The following PCDHGA6 variants were observed in gnomAD, a reference collection of about 807,000 sequenced individuals.
The protein encoded by PCDHGA6 is protocadherin gamma subfamily A, 6.
Under a neutral mutation model 60.6 loss-of-function variants are expected in PCDHGA6, and 41 were observed. The observed-to-expected ratio is 0.68, with a 90% CI of 0.53 to 0.88. The LOEUF is 0.88. Among genes scored for constraint, PCDHGA6 ranks in the 40% least tolerant of loss-of-function variants. The pLI, the probability that PCDHGA6 is intolerant of heterozygous loss-of-function variation, is 0.00. For missense variants in PCDHGA6, 1,312 were observed against 1,203.0 expected, an observed-to-expected ratio of 1.09 and a Z score of -1.34; for synonymous variants, 594 against 524.4, an observed-to-expected ratio of 1.13 and a Z score of -1.81.
chr5:141,477,878 C>T lies in PCDHGA6; in HGVS notation c.2425-16929C>T. On this transcript the variant is annotated intron_variant, in intron 1 of 3. Coordinates refer to ENST00000517434, the MANE Select transcript of PCDHGA6 (RefSeq NM_018919.3). The surrounding 1 kb of genome is among the most constrained non-coding windows in gnomAD (Gnocchi z 4.9). ...GCTGCCTCGAGGTACCTCAGCTGGC[C>T]ACCTAGTGTCACGGGTGGTAGGCTG... 2.5e-6 allele frequency: 4 copies of T among 1,614,158 alleles called. No individual in the cohort carries two copies. Among genetic ancestry groups the T allele is most frequent in the Non-Finnish European group, 3.4e-6 (4 of 1,180,008 alleles).
rs1408248560 is a variant in PCDHGA6 at position 141,475,829 on chromosome 5, G to C, written c.2425-18978G>C. On this transcript the variant is annotated intron_variant, in intron 1 of 3. Coordinates refer to ENST00000517434, the MANE Select transcript of PCDHGA6 (RefSeq NM_018919.3). ...AAAGTGAAGTTCCTGGCGCTAGCGC[G>C]TGTCCTGCTCAGAGAGCCCGGCGCT... The C allele has an allele frequency of 1.0e-5, 4 of 386,748 alleles. No individual in the cohort carries two copies. In the South Asian group the frequency reaches 1.4e-4, roughly 14 times the overall value. The allele number at this position is 386,748 out of a possible 1,614,324, so 24.0% of individuals were successfully genotyped here. A position where few individuals can be genotyped will look rare whatever the true frequency, so the allele number is the denominator to read the frequency against.
chr5:141,390,095 T>C lies in PCDHGA6; in HGVS notation c.2424+13588T>C, dbSNP rs763642761. 3 of 1,613,972 alleles carry C rather than the reference T, an allele frequency of 1.9e-6. No individual in the cohort carries two copies. In the South Asian group the frequency reaches 3.3e-5, roughly 18 times the overall value. ...TCTGTGTTAAATCCGAATCCGTGGT[T>C]CCCCCCAACTACAGCGAGGGGACTT... On this transcript the variant is annotated intron_variant, in intron 1 of 3. Coordinates refer to ENST00000517434, the MANE Select transcript of PCDHGA6 (RefSeq NM_018919.3).
At chr5:141,383,583 C>A (rs1282205134) in intron 1 of PCDHGA6, 11 of 1,613,640 alleles carry the variant, frequency 6.8e-6, no homozygotes, top group Non-Finnish European at 9.3e-6. Context: ...CCGCCCACAT[C>A]CAGGTGACAG....
intron 1 of PCDHGA6, chr5:141,475,971 C>T (rs750016455): frequency 2.1e-5 from 20 of 954,292 alleles, no homozygotes; most frequent in Non-Finnish European, 2.9e-5. Context: ...GAGGCAGAGA[C>T]TGAACAGCCG....
Position 141,375,521 on chromosome 5 carries a change from G to A in PCDHGA6, c.1438G>A (p.Asp480Asn). ...SIFSVNALDP[D>N]VDQNAQVSYS... The stretch of plus-strand genomic sequence containing the variant: ...CTTCTCTGTGAATGCACTGGACCCT[G>A]ACGTGGACCAGAACGCCCAAGTCTC... The change falls in exon 1 of 4, where the codon GAC (aspartate) becomes AAC (asparagine). Residue 480 changes from aspartate to asparagine, a missense_variant. Asp to Asn is a conservative substitution (Grantham distance 23). Transcript: ENST00000517434. 6.2e-7 allele frequency: 1 copy of A among 1,613,994 alleles called. No individual in the cohort carries two copies. Among genetic ancestry groups the A allele is most frequent in the Non-Finnish European group, 8.5e-7 (1 of 1,179,930 alleles).
intron 1 of PCDHGA6, chr5:141,427,597 T>C: frequency 1.5e-6 from 1 of 682,152 alleles, no homozygotes; most frequent in Non-Finnish European, 2.7e-6. Context: ...AGCCTCACCC[T>C]ACGCATTGGT....
rs182297545 is a variant in PCDHGA6 at position 141,400,627 on chromosome 5, G to A, written c.2424+24120G>A. ...AAGTCCAATGAGTTGTCTTAGGGAA[G>A]TCAGAGCTGCTCAGAAAGCTGTCCT... On this transcript the variant is annotated intron_variant, in intron 1 of 3. Transcript: ENST00000517434. 46 of 1,441,658 alleles carry A rather than the reference G, an allele frequency of 3.2e-5. 1 individual carries two copies. In the East Asian group the frequency reaches 8.4e-4, roughly 26 times the overall value. 89.3% of individuals were successfully genotyped at this position (1,441,658 alleles called of 1,614,324 possible). A position where few individuals can be genotyped will look rare whatever the true frequency, so the allele number is the denominator to read the frequency against.
rs372168887 is a variant in PCDHGA6, at chr5:141,477,322, C to T, written c.2425-17485C>T. On this transcript the variant is annotated intron_variant, in intron 1 of 3. Transcript: ENST00000517434. The surrounding 1 kb of genome is among the most constrained non-coding windows in gnomAD (Gnocchi z 4.9). The stretch of plus-strand genomic sequence containing the variant: ...GTCTCCCTTTCAGCCTTACTTCTTC[C>T]CTCAAGAATTACTTCACTTTGAAAA... 17 of 1,614,050 alleles carry T rather than the reference C, an allele frequency of 1.1e-5. No homozygotes were observed. In the African/African-American group the frequency reaches 1.5e-4, roughly 14 times the overall value.
At chr5:141,384,889 G>GTGGC in intron 1 of PCDHGA6, 1 of 1,613,882 alleles carries the variant, frequency 6.2e-7, no homozygotes, top group Non-Finnish European at 8.5e-7. Context: ...CACCGTGGCT[G>GTGGC]TGGCTGACAG....
rs1421497518 is a variant in PCDHGA6 at position 141,431,979 on chromosome 5, A to G, written c.2424+55472A>G. ...GGAAATTACTATAGTTTAGTCACAGACATAGTCTTGGATAGGGAACAGGTT... is the reference window on the plus strand; with the variant it reads ...GGAAATTACTATAGTTTAGTCACAGGCATAGTCTTGGATAGGGAACAGGTT... On this transcript the variant is annotated intron_variant, in intron 1 of 3. Coordinates refer to ENST00000517434, the MANE Select transcript of PCDHGA6 (RefSeq NM_018919.3). This position sits in a 1 kb window ranked among gnomAD's most constrained non-coding sequence, Gnocchi z 4.8. 6.2e-7 allele frequency: 1 copy of G among 1,614,078 alleles called. No homozygotes were observed. The highest frequency in any genetic ancestry group is 1.3e-5 in the African/African-American group (1 of 74,932).
Position 141,432,683 on chromosome 5 carries a change from C to T in PCDHGA6, c.2424+56176C>T, listed in dbSNP as rs138402830. The T allele has an allele frequency of 4.8e-5, 78 of 1,613,968 alleles. No individual in the cohort carries two copies. In the African/African-American group the frequency reaches 9.5e-4, roughly 20 times the overall value. On this transcript the variant is annotated intron_variant, in intron 1 of 3. Transcript: ENST00000517434. The surrounding 1 kb of genome is among the most constrained non-coding windows in gnomAD (Gnocchi z 6.0). ...GGACAGAGACGCGCTCAAGCAGAGC[C>T]TCGTAGTGGCCGTCCAGGACCACGG...
intron 1 of PCDHGA6, chr5:141,384,389 AG>A: frequency 1.2e-6 from 2 of 1,613,942 alleles, no homozygotes; most frequent in South Asian, 1.1e-5. Context: ...GACACCATCC[AG>A]GGGGCTCCAG....
intron 2 of PCDHGA6, among the ~76,000 whole-genome samples, chr5:141,497,248 G>A (rs1442942520): frequency 6.6e-6 from 1 of 152,128 alleles, no homozygotes; most frequent in African/African-American, 2.4e-5. Context: ...AGGAGGAGGT[G>A]ACATTGAGAA....
rs1220789915 is a variant in PCDHGA6, at chr5:141,376,200, C to A, written c.2117C>A (p.Ala706Asp). Reference protein sequence around the residue: ...AVAAVSCVFLAFVIVLLALRL... With the variant: ...AVAAVSCVFLDFVIVLLALRL... ...GCCGCGGTCTCCTGCGTCTTCCTGG[C>A]CTTCGTCATCGTGCTGCTGGCGCTC... The change falls in exon 1 of 4, where the codon GCC becomes GAC. Residue 706 changes from alanine (A) to aspartate (D), a missense_variant. Coordinates refer to ENST00000517434, the MANE Select transcript of PCDHGA6 (RefSeq NM_018919.3). 2 of 1,614,086 alleles carry A rather than the reference C, an allele frequency of 1.2e-6. No homozygotes were observed. The highest frequency in any genetic ancestry group is 1.7e-6 in the Non-Finnish European group (2 of 1,180,046).
chr5:141,421,812 A>T, intron 1 of PCDHGA6: 1 of 1,613,822 alleles, frequency 6.2e-7, no homozygotes, highest in Non-Finnish European at 8.5e-7. Context: ...ATCCAGAGCT[A>T]GTACTGGAGG....
At chr5:141,406,267 G>A (rs2094786630) in intron 1 of PCDHGA6, among the ~76,000 whole-genome samples, 1 of 151,854 alleles carries the variant, frequency 6.6e-6, no homozygotes, top group African/African-American at 2.4e-5. Context: ...CGATCTTCCT[G>A]CTTCAGTTTC....
intron 1 of PCDHGA6, chr5:141,404,736 A>T: frequency 6.2e-7 from 1 of 1,613,622 alleles, no homozygotes. Context: ...GTGGCAGTGG[A>T]CAGAGACTCA....
intron 1 of PCDHGA6, chr5:141,383,907 A>T: frequency 1.2e-6 from 2 of 1,613,958 alleles, no homozygotes; most frequent in Non-Finnish European, 1.7e-6. Flanking sequence ...TACTGATCAC[A>T]GTTTTAGATG....
At chr5:141,405,377 G>T (rs763495028) in intron 1 of PCDHGA6, 29 of 1,603,350 alleles carry the variant, frequency 1.8e-5, no homozygotes, top group Admixed American at 3.5e-5. Flanking sequence ...TTTGGTTCCG[G>T]TGAGTTCATT....
Sources: allele counts gnomAD v4.1 joint callset (sites outside exome capture counted in the v4.1 genomes callset), GRCh38; gene constraint gnomAD v4.1.1; non-coding constraint Gnocchi (gnomAD v3.1); transcripts MANE v1.5; gene names NCBI Gene and HGNC (gene_info 2026-07-23, HGNC 2026-07-21).